LYRM4: variants seen among roughly 807,000 people sequenced by gnomAD.
LYRM4 encodes LYR motif containing 4.
A neutral mutation model predicts 11.7 loss-of-function variants in LYRM4; 9 were observed. The ratio of observed to expected loss-of-function variants is 0.77; its 90% CI spans 0.46 to 1.34. The LOEUF (loss-of-function observed/expected upper bound fraction) is 1.34, where lower values mean the gene tolerates loss of function less well. Among genes scored for constraint, LYRM4 ranks in the 40% most tolerant of loss-of-function variants. The pLI, the probability that LYRM4 is intolerant of heterozygous loss-of-function variation, is 0.00. For synonymous variants in LYRM4, 42 were observed against 40.4 expected, an observed-to-expected ratio of 1.04 and a Z score of -0.15; for missense variants, 133 against 112.5, an observed-to-expected ratio of 1.18 and a Z score of -0.82.
chr6:5,148,983 A>G (rs570017187), intron 2 of LYRM4, among the ~76,000 whole-genome samples: 3 of 152,294 alleles, frequency 2.0e-5, no homozygotes, highest in Admixed American at 6.5e-5. Context: ...TGCTTGCTTG[A>G]TATTTTAAAA....
chr6:5,231,320 G>A (rs1485463818), intron 1 of LYRM4, among the ~76,000 whole-genome samples: 2 of 152,118 alleles, frequency 1.3e-5, no homozygotes, highest in East Asian at 3.9e-4. Context: ...AAGGCTGCAG[G>A]GCCGAATTCA....
chr6:5,161,826 G>C (rs187396884), intron 2 of LYRM4, among the ~76,000 whole-genome samples: 1 of 152,124 alleles, frequency 6.6e-6, no homozygotes, highest in Non-Finnish European at 1.5e-5. Flanking sequence ...ACACATGAAC[G>C]ATCTAGGCCT....
At chr6:5,177,404 T>C (rs1270919631) in intron 2 of LYRM4, among the ~76,000 whole-genome samples, 1 of 152,218 alleles carries the variant, frequency 6.6e-6, no homozygotes, top group African/African-American at 2.4e-5. Context: ...CTGGAAAGCC[T>C]ACCCAGCTCT....
intron 2 of LYRM4, among the ~76,000 whole-genome samples, chr6:5,159,966 G>GT (rs1390753633): frequency 2.0e-5 from 3 of 152,020 alleles, no homozygotes; most frequent in Non-Finnish European, 4.4e-5. Flanking sequence ...TTCCATTTTA[G>GT]TTTTTTGCTT....
intron 2 of LYRM4, among the ~76,000 whole-genome samples, chr6:5,110,925 C>T (rs746401799): frequency 6.6e-6 from 1 of 152,144 alleles, no homozygotes; most frequent in Non-Finnish European, 1.5e-5. Flanking sequence ...GTGGCAAGGT[C>T]GGAAATCATC....
At chr6:5,136,186 G>T (rs1757089138) in intron 2 of LYRM4, 3 of 697,832 alleles carry the variant, frequency 4.3e-6, no homozygotes, top group Admixed American at 6.3e-5. Flanking sequence ...GAATAATACT[G>T]CTCTGAACAC....
At position 5,108,591 on chromosome 6, in the gene LYRM4, CT is replaced by C. The variant is rs1241758323; in HGVS notation, c.*831del. On this transcript the variant is annotated 3_prime_UTR_variant, in exon 3 of 3. Transcript: ENST00000330636. ...CAGAGAGGGAAGTGCTGAGAGATGT[CT>C]TTTTAAAAAGCTCTCCAACTCTCCA... 2.8e-6 allele frequency: 1 copy of C among 362,950 alleles called. No individual in the cohort carries two copies. Among genetic ancestry groups the C allele is most frequent in the Non-Finnish European group, 3.8e-6 (1 of 260,788 alleles). 22.5% of individuals were successfully genotyped at this position (362,950 alleles called of 1,614,324 possible).
intron 2 of LYRM4, among the ~76,000 whole-genome samples, chr6:5,165,807 T>C (rs1287721682): frequency 6.6e-6 from 1 of 152,114 alleles, no homozygotes; most frequent in South Asian, 2.1e-4. Context: ...CCTCCCAAAG[T>C]GCTGGAATTA....
the LYRM4 span, among the ~76,000 whole-genome samples, chr6:5,083,491 GAC>G: frequency 2.1e-4 from 32 of 152,304 alleles, no homozygotes; most frequent in East Asian, 5.0e-3. Flanking sequence ...CCCTTTACAG[GAC>G]ATCACTCCCA....
chr6:5,233,021 A>G (rs768827252), intron 1 of LYRM4, among the ~76,000 whole-genome samples: 2 of 152,236 alleles, frequency 1.3e-5, no homozygotes, highest in Non-Finnish European at 2.9e-5. Flanking sequence ...CTCTGTATTT[A>G]TCACAATACT....
In LYRM4 at chr6:5,260,903, G is replaced by C. The variant is rs2224392; in HGVS notation, c.-170C>G. 5.8e-6 allele frequency: 8 copies of C among 1,383,174 alleles called. No homozygotes were observed. The highest frequency in any genetic ancestry group is 7.4e-6 in the Non-Finnish European group (8 of 1,074,382). 85.7% of individuals were successfully genotyped at this position (1,383,174 alleles called of 1,614,324 possible). A position where few individuals can be genotyped will look rare whatever the true frequency, so the allele number is the denominator to read the frequency against. ...GCGGGCAGCCCTGCGGATCGCGGAC[G>C]GCGCCAGGCGTCCCGCGCCGCTTCG... is the stretch of plus-strand genomic sequence containing the variant. On this transcript the variant is annotated 5_prime_UTR_variant, in exon 1 of 3. Transcript: ENST00000330636.
At chr6:5,091,845 C>T in the LYRM4 span, among the ~76,000 whole-genome samples, 5 of 152,182 alleles carry the variant, frequency 3.3e-5, no homozygotes, top group South Asian at 6.2e-4. Context: ...TCTGGTAAGG[C>T]AAAGCCATTT....
chr6:5,096,038 A>G, the LYRM4 span, among the ~76,000 whole-genome samples: 1 of 152,110 alleles, frequency 6.6e-6, no homozygotes, highest in Non-Finnish European at 1.5e-5. Flanking sequence ...GCCAAAGTAG[A>G]TTTCCTGATT....
At chr6:5,250,725 GT>G (rs1764391566) in intron 1 of LYRM4, among the ~76,000 whole-genome samples, 1 of 88,126 alleles carries the variant, frequency 1.1e-5, no homozygotes, top group African/African-American at 6.0e-5. Context: ...CAGAACAAAC[GT>G]AAGAACTGAT....
intron 2 of LYRM4, among the ~76,000 whole-genome samples, chr6:5,209,572 G>T (rs1267392214): frequency 6.6e-6 from 1 of 152,168 alleles, no homozygotes; most frequent in Non-Finnish European, 1.5e-5. Flanking sequence ...GAACAGATGG[G>T]ACATTAGAAG....
intron 1 of LYRM4, among the ~76,000 whole-genome samples, chr6:5,240,226 A>T (rs1763798222): frequency 6.6e-6 from 1 of 152,060 alleles, no homozygotes; most frequent in Non-Finnish European, 1.5e-5. Context: ...TCACTCTGGT[A>T]AAATCTCACC....
chr6:5,169,991 G>A (rs549028000), intron 2 of LYRM4, among the ~76,000 whole-genome samples: 19 of 152,348 alleles, frequency 1.2e-4, no homozygotes, highest in African/African-American at 3.8e-4. Context: ...GGGTCACGCA[G>A]ACAACAACTG....
intron 2 of LYRM4, among the ~76,000 whole-genome samples, chr6:5,205,910 C>T (rs1761668285): frequency 6.6e-6 from 1 of 152,210 alleles, no homozygotes; most frequent in South Asian, 2.1e-4. Context: ...ATGCAACACT[C>T]CTGCCATTGC....
chr6:5,033,469 C>G, the LYRM4 span: 2 of 152,222 alleles, frequency 1.3e-5, no homozygotes, highest in Non-Finnish European at 2.9e-5. Context: ...ATGCCTCCCC[C>G]TCACCACTCA....
Sources: gnomAD v4.1 joint callset for allele counts (sites outside exome capture counted in the v4.1 genomes callset) on GRCh38, gnomAD v4.1.1 for gene constraint, MANE v1.5 for transcripts, NCBI Gene and HGNC (gene_info 2026-07-23, HGNC 2026-07-21) for gene names.